The following GPHN variants were observed in gnomAD, a reference collection of about 807,000 sequenced individuals.
GPHN encodes the protein gephyrin.
Under a neutral mutation model 95.5 loss-of-function variants are expected in GPHN, and 17 were observed. The observed-to-expected ratio is 0.18, with a 90% CI of 0.12 to 0.27. The LOEUF is 0.27. Among genes scored for constraint, GPHN ranks in the 10% least tolerant of loss-of-function variants. GPHN has a pLI of 1.00. For synonymous variants in GPHN, 320 were observed against 322.5 expected, an observed-to-expected ratio of 0.99 and a Z score of 0.08; for missense variants, 660 against 978.1, an observed-to-expected ratio of 0.67 and a Z score of 4.34.
intron 2 of GPHN, among the ~76,000 whole-genome samples, chr14:66,690,987 T>C (rs1866048642): frequency 6.6e-6 from 1 of 152,154 alleles, no homozygotes; most frequent in Non-Finnish European, 1.5e-5. Context: ...CTGACTCACT[T>C]ACGTATTTCA....
At chr14:66,622,784 C>T (rs1324804819) in intron 1 of GPHN, among the ~76,000 whole-genome samples, 2 of 152,152 alleles carry the variant, frequency 1.3e-5, no homozygotes, top group Non-Finnish European at 2.9e-5. Flanking sequence ...TGTGAGACCA[C>T]CTCAGCCTGT....
chr14:67,684,188 G>C, the GPHN span, among the ~76,000 whole-genome samples: 4 of 152,160 alleles, frequency 2.6e-5, no homozygotes, highest in East Asian at 7.7e-4. Flanking sequence ...CCACAAGGCT[G>C]GCATTATAGG....
At chr14:66,826,413 A>G (rs565670441) in intron 4 of GPHN, among the ~76,000 whole-genome samples, 1 of 152,190 alleles carries the variant, frequency 6.6e-6, no homozygotes, top group East Asian at 1.9e-4. Flanking sequence ...TATTTCAATT[A>G]AATTCTGACA....
intron 9 of GPHN, among the ~76,000 whole-genome samples, chr14:67,008,648 G>A (rs542862090): frequency 2.6e-5 from 4 of 151,832 alleles, no homozygotes; most frequent in African/African-American, 9.7e-5. Context: ...GGGCTCAAGC[G>A]ATCCTCCCAC....
chr14:67,543,442 G>A, the GPHN span, among the ~76,000 whole-genome samples: 1 of 152,196 alleles, frequency 6.6e-6, no homozygotes, highest in African/African-American at 2.4e-5. Flanking sequence ...TATACATCAG[G>A]AAAGGGCAGC....
In GPHN at chr14:66,539,152, G is replaced by A. The variant is rs151116907; in HGVS notation, c.64+30561G>A. ...TTTGAGATTAGCCCGGTAATCTCTTGGTTTATTTACAGTGCTTTAAATTCA... is the reference window on the plus strand; with the variant it reads ...TTTGAGATTAGCCCGGTAATCTCTTAGTTTATTTACAGTGCTTTAAATTCA... On this transcript the variant is annotated intron_variant, in intron 1 of 22. Transcript: ENST00000478722. Among the ~76,000 whole-genome samples, 1,408 of 152,130 alleles carry A rather than the reference G, an allele frequency of 9.3e-3. 23 individuals are homozygous for A. Among genetic ancestry groups the A allele is most frequent in the African/African-American group, 0.031 (1,274 of 41,492 alleles).
intron 3 of GPHN, among the ~76,000 whole-genome samples, chr14:66,822,444 T>C (rs1269913051): frequency 1.3e-5 from 2 of 152,346 alleles, no homozygotes; most frequent in Middle Eastern, 3.4e-3. Flanking sequence ...CCCAAGTATT[T>C]TTTAAAGCTC....
intron 8 of GPHN, among the ~76,000 whole-genome samples, chr14:66,959,548 G>A (rs1186415052): frequency 1.3e-5 from 2 of 151,810 alleles, no homozygotes; most frequent in Non-Finnish European, 2.9e-5. Flanking sequence ...TAGAATTATT[G>A]GTTGACAGAT....
chr14:67,296,138 TAGAAGGA>T, the GPHN span, among the ~76,000 whole-genome samples: 1 of 151,474 alleles, frequency 6.6e-6, no homozygotes, highest in Non-Finnish European at 1.5e-5. Context: ...GGAAAAAACA[TAGAAGGA>T]AATTTAATTT....
At chr14:66,601,682 C>A (rs1045175431) in intron 1 of GPHN, among the ~76,000 whole-genome samples, 3 of 151,578 alleles carry the variant, frequency 2.0e-5, no homozygotes, top group African/African-American at 7.3e-5. Context: ...AGAAGAAAAA[C>A]CAATAATAGA....
chr14:67,213,357 T>A, the GPHN span, among the ~76,000 whole-genome samples: 1 of 127,096 alleles, frequency 7.9e-6, no homozygotes, highest in Admixed American at 9.3e-5. Flanking sequence ...ATGTTCCCCT[T>A]CCTGTGTCCA....
At chr14:67,378,210 G>C in the GPHN span, among the ~76,000 whole-genome samples, 2 of 151,304 alleles carry the variant, frequency 1.3e-5, no homozygotes. Flanking sequence ...TTAAGAGTTA[G>C]AGGGGGGAAA....
the GPHN span, among the ~76,000 whole-genome samples, chr14:67,563,280 C>G: frequency 6.6e-6 from 1 of 152,194 alleles, no homozygotes; most frequent in Admixed American, 6.5e-5. Context: ...GTTACTGAAC[C>G]TCTGTGCCTC....
chr14:66,620,938 A>AT (rs1175358128), intron 1 of GPHN, among the ~76,000 whole-genome samples: 1 of 152,176 alleles, frequency 6.6e-6, no homozygotes, highest in South Asian at 2.1e-4. Flanking sequence ...TACAGGCCCC[A>AT]TGCCAGTCCC....
the GPHN span, among the ~76,000 whole-genome samples, chr14:67,573,574 G>A: frequency 1.3e-5 from 2 of 152,216 alleles, no homozygotes; most frequent in African/African-American, 4.8e-5. This position sits in a 1 kb window ranked among gnomAD's most constrained non-coding sequence, Gnocchi z 4.8. Flanking sequence ...GCCTGGCCGT[G>A]AGTTTCAGAA....
At chr14:67,044,994 C>A (rs781095890) in intron 10 of GPHN, among the ~76,000 whole-genome samples, 1 of 152,156 alleles carries the variant, frequency 6.6e-6, no homozygotes, top group African/African-American at 2.4e-5. Context: ...GAATCCTGTA[C>A]AAAACTGACG....
chr14:67,408,287 AAAAT>A, the GPHN span, among the ~76,000 whole-genome samples: 14 of 144,932 alleles, frequency 9.7e-5, no homozygotes, highest in African/African-American at 2.3e-4. Context: ...ATTCGGTCTC[AAAAT>A]AAATAAATAA....
At chr14:67,507,175 C>T in the GPHN span, among the ~76,000 whole-genome samples, 2 of 151,924 alleles carry the variant, frequency 1.3e-5, no homozygotes, top group South Asian at 4.2e-4. Flanking sequence ...CACTGAGTTG[C>T]CCAGAAAGCA....
chr14:67,544,819 C>T, the GPHN span, among the ~76,000 whole-genome samples: 1 of 152,148 alleles, frequency 6.6e-6, no homozygotes, highest in African/African-American at 2.4e-5. Context: ...GGAAATCATC[C>T]AGAATGCTGC....
Sources: gnomAD v4.1 joint callset for allele counts (sites outside exome capture counted in the v4.1 genomes callset) on GRCh38, gnomAD v4.1.1 for gene constraint, Gnocchi (gnomAD v3.1) non-coding constraint, MANE v1.5 for transcripts, NCBI Gene and HGNC (gene_info 2026-07-23, HGNC 2026-07-21) for gene names.